The following MYO15A variants were observed in gnomAD, a reference collection of about 807,000 sequenced individuals.
MYO15A encodes the protein myosin XVA, also known as unconventional myosin-XV.
MYO15A carries 308 observed loss-of-function variants against 394.6 expected under a neutral mutation model. The ratio of observed to expected loss-of-function variants is 0.78; its 90% CI spans 0.71 to 0.86. The LOEUF is 0.86. MYO15A is among the 40% of genes least tolerant of loss of function. MYO15A has a pLI of 0.00. For missense variants in MYO15A, 4,606 were observed against 4,799.1 expected (o/e 0.96, Z 1.19); for synonymous variants, 1,957 against 2,003.8 (o/e 0.98, Z 0.62).
rs751879628 is a variant in MYO15A, at chr17:18,159,013, C to T, written c.9156+16C>T. ...CTTCACCAAGGTGTCCAGTCCCGGACCTCAGTTTCCCCATCTGTAAAATGG... is the reference window on the plus strand; with the variant it reads ...CTTCACCAAGGTGTCCAGTCCCGGATCTCAGTTTCCCCATCTGTAAAATGG... On this transcript the variant is annotated intron_variant, in intron 53 of 65. Coordinates refer to ENST00000647165, the MANE Select transcript of MYO15A (RefSeq NM_016239.4). 1.7e-5 allele frequency: 28 copies of T among 1,612,528 alleles called. No homozygotes were observed. The South Asian group carries it at 3.1e-4, about 18-fold the overall frequency.
At chr17:18,163,615 A>T in intron 59 of MYO15A, 127 bp from the exon 60 acceptor site, 1 of 869,986 alleles carries the variant, frequency 1.1e-6, no homozygotes, top group Non-Finnish European at 1.9e-6. Context: ...GAGACCTCAG[A>T]GGATTGTGCG....
Position 18,121,855 on chromosome 17 carries a change from G to T in MYO15A, c.3055G>T (p.Gly1019Trp). 2.5e-6 allele frequency: 4 copies of T among 1,612,764 alleles called. No individual in the cohort carries two copies. The highest frequency in any genetic ancestry group is 3.4e-6 in the Non-Finnish European group (4 of 1,179,862). ...GAAGCCTGAAGAAGAGGCCACCCTG[G>T]GGGACCCCCAGCTGCCAGCAGAGAC... is the stretch of plus-strand genomic sequence containing the variant. ...PEKPEEEATL[G>W]DPQLPAETKP... is the part of the protein sequence containing the mutation. The change falls in exon 2 of 66, where the codon GGG becomes TGG. Residue 1019 changes from glycine to tryptophan, a missense_variant. This residue lies in a region of MYO15A where 1,830 missense variants were observed against 1,689.7 expected (regional missense o/e 1.08). Coordinates refer to ENST00000647165, the MANE Select transcript of MYO15A (RefSeq NM_016239.4). This position sits in a 1 kb window ranked among gnomAD's most constrained non-coding sequence, Gnocchi z 5.3.
chr17:18,133,147 G>C (rs2046198190), intron 11 of MYO15A, 78 bp from the exon 12 acceptor site: 2 of 1,487,450 alleles, frequency 1.3e-6, no homozygotes, highest in Non-Finnish European at 1.8e-6. Flanking sequence ...CCACACTACT[G>C]GTCAGGGCAG....
Position 18,151,413 on chromosome 17 carries a change from T to C in MYO15A, c.7673T>C (p.Leu2558Pro). The change falls in exon 40 of 66, where the codon CTG becomes CCG. Residue 2558 changes from leucine (L) to proline (P), a missense_variant. Physicochemically the swap from Leu to Pro is moderately conservative, Grantham distance 98. This residue lies in a region of MYO15A where 2,776 missense variants were observed against 3,109.3 expected (regional missense o/e 0.89). Transcript: ENST00000647165. ...SPETTSPSPE[L>P]VRYSTLNSEH... ...CCCACAGCTTCACCCTCCCCAGAGC[T>C]GGTCCGGTACTCTACGCTCAACTCT... 6.2e-7 allele frequency: 1 copy of C among 1,614,192 alleles called. No homozygotes were observed. The highest frequency in any genetic ancestry group is 8.5e-7 in the Non-Finnish European group (1 of 1,180,024).
chr17:18,145,689 T>G (rs1027138847), intron 29 of MYO15A, among the ~76,000 whole-genome samples, 183 bp from the exon 30 acceptor site: 1 of 152,186 alleles, frequency 6.6e-6, no homozygotes, highest in African/African-American at 2.4e-5. Flanking sequence ...CACTCCAGTC[T>G]GGGTGACAGA....
chr17:18,141,569 C>T (rs950189728), intron 22 of MYO15A, 84 bp from the exon 23 acceptor site: 4 of 1,338,414 alleles, frequency 3.0e-6, no homozygotes, highest in Admixed American at 1.7e-5. Flanking sequence ...TTTTGGACAC[C>T]TGGCTGGGGG....
Position 18,140,676 on chromosome 17 carries a change from G to T in MYO15A, c.5360+11G>T. 1 of 1,613,948 alleles carries T rather than the reference G, an allele frequency of 6.2e-7. No individual in the cohort carries two copies. The highest frequency in any genetic ancestry group is 8.5e-7 in the Non-Finnish European group (1 of 1,180,036). ...GGAAAAGATGGAGAGGTGGGGTGGG[G>T]GGCAGGTGGGCGGAGCACCCAGCCT... is the stretch of plus-strand genomic sequence containing the variant. On this transcript the variant is annotated intron_variant, in intron 20 of 65. Transcript: ENST00000647165.
rs183365287 is a variant in MYO15A, at chr17:18,129,163, G to A, written c.4033-1642G>A. On this transcript the variant is annotated intron_variant, in intron 7 of 65. Transcript: ENST00000647165. ...TCAGAAATGAAACATTCAGAGCTCCGTCTCACTGGGCAAGTTTTGGTCATA... is the reference window on the plus strand; with the variant it reads ...TCAGAAATGAAACATTCAGAGCTCCATCTCACTGGGCAAGTTTTGGTCATA... 6.8e-4 allele frequency among the ~76,000 whole-genome samples: 104 copies of A among 152,294 alleles called. 1 individual carries two copies. The highest frequency in any genetic ancestry group is 5.8e-4 in the East Asian group (3 of 5,188).
chr17:18,152,246 C>T (rs1360697081), intron 42 of MYO15A, 62 bp downstream of exon 42: 12 of 1,486,006 alleles, frequency 8.1e-6, no homozygotes, highest in African/African-American at 1.4e-5. Context: ...TCTGTGGGCA[C>T]AGGTGAGTGT....
intron 23 of MYO15A, 127 bp from the exon 24 acceptor site, chr17:18,141,952 C>T: frequency 7.7e-7 from 1 of 1,302,400 alleles, no homozygotes; most frequent in Admixed American, 1.7e-5. Context: ...AAGTCCACCC[C>T]ATCCCTCCAG....
At position 18,143,031 on chromosome 17, in the gene MYO15A, G is replaced by T. The variant is rs535194701; in HGVS notation, c.5910+191G>T. Among the ~76,000 whole-genome samples the T allele has an allele frequency of 2.6e-4, 39 of 152,284 alleles. No homozygotes were observed. The East Asian group carries it at 7.1e-3, about 28-fold the overall frequency. On this transcript the variant is annotated intron_variant, in intron 25 of 65. Coordinates refer to ENST00000647165, the MANE Select transcript of MYO15A (RefSeq NM_016239.4). ...TCTACCCCTTGGGATTGTGGAGAGG[G>T]TTAAATGAGATGTTGCATTGAAGGA...
Position 18,132,904 on chromosome 17 carries a change from G to T in MYO15A, c.4321-321G>T, listed in dbSNP as rs773726343. On this transcript the variant is annotated intron_variant, in intron 11 of 65. Transcript: ENST00000647165. This position sits in a 1 kb window ranked among gnomAD's most constrained non-coding sequence, Gnocchi z 4.6. ...TACCACTTTGCAGGGATGTAGTGAGGCTTAGATGAGGAAACGCATGTAAAG... is the reference window on the plus strand; with the variant it reads ...TACCACTTTGCAGGGATGTAGTGAGTCTTAGATGAGGAAACGCATGTAAAG... Among the ~76,000 whole-genome samples the T allele has an allele frequency of 3.3e-5, 5 of 152,204 alleles. No individual in the cohort carries two copies. Among genetic ancestry groups the T allele is most frequent in the Admixed American group, 3.3e-4 (5 of 15,280 alleles).
At position 18,142,776 on chromosome 17, in the gene MYO15A, GGAGGAGTCTGGT is replaced by G; in HGVS notation, c.5849_5860del (p.Arg1950_Val1953del). 1 of 1,613,670 alleles carries G rather than the reference GGAGGAGTCTGGT, an allele frequency of 6.2e-7. No homozygotes were observed. The highest frequency in any genetic ancestry group is 8.5e-7 in the Non-Finnish European group (1 of 1,179,894). ...CCCAGGCAACGCTATCAGCAGATGA[GGAGGAGTCTGGT>G]GAAGTTCCGGTCCCTGGTACACGCA... On this transcript the variant is annotated inframe_deletion, in exon 25 of 66. Coordinates refer to ENST00000647165, the MANE Select transcript of MYO15A (RefSeq NM_016239.4).
rs199511042 is a variant in MYO15A at position 18,127,122 on chromosome 17, G to A, written c.3989G>A (p.Arg1330His). The A allele has an allele frequency of 1.3e-4, 214 of 1,613,798 alleles. No individual in the cohort carries two copies. Among genetic ancestry groups the A allele is most frequent in the Non-Finnish European group, 1.6e-4 (193 of 1,179,998 alleles). ...ACTGAGGCCACCAAGCTGATTCTGC[G>A]CTACCTGGCCGCCATGAACCAGAAA... is the stretch of plus-strand genomic sequence containing the variant. ...GKTEATKLIL[R>H]YLAAMNQKRE... is the part of the protein sequence containing the mutation. Residue 1330 changes from arginine (R) to histidine (H), a missense_variant, in exon 7 of 66, where the codon CGC becomes CAC. Physicochemically the swap from Arg to His is conservative, Grantham distance 29. Coordinates refer to ENST00000647165, the MANE Select transcript of MYO15A (RefSeq NM_016239.4).
chr17:18,116,329 A>G (rs181202982), intron 1 of MYO15A, among the ~76,000 whole-genome samples: 2 of 152,234 alleles, frequency 1.3e-5, no homozygotes, highest in Admixed American at 1.3e-4. Flanking sequence ...GTCCTAAGCC[A>G]CTCTAAACCC....
At position 18,154,130 on chromosome 17, in the gene MYO15A, G is replaced by A. The variant is rs2046634011; in HGVS notation, c.8089-1G>A. The A allele has an allele frequency of 6.2e-7, 1 of 1,613,932 alleles. No homozygotes were observed. The highest frequency in any genetic ancestry group is 2.2e-5 in the East Asian group (1 of 44,894). On this transcript the variant is annotated splice_acceptor_variant, in intron 43 of 65. Transcript: ENST00000647165. LOFTEE classifies it high-confidence loss of function. ...TACCCACTGAAGCCCCGCCCCTGCAGGTGTTTTACCCCAAGGACAGCTACA... is the reference window on the plus strand; with the variant it reads ...TACCCACTGAAGCCCCGCCCCTGCAAGTGTTTTACCCCAAGGACAGCTACA...
At chr17:18,131,124 A>G in intron 8 of MYO15A, 115 bp from the exon 9 acceptor site, 8 of 964,492 alleles carry the variant, frequency 8.3e-6, no homozygotes, top group Non-Finnish European at 1.6e-6. Flanking sequence ...GTCATCTCTC[A>G]TAAAGGGAGG....
At position 18,119,376 on chromosome 17, in the gene MYO15A, C is replaced by A; in HGVS notation, c.576C>A (p.Arg192=). The A allele has an allele frequency of 6.2e-7, 1 of 1,610,184 alleles. No homozygotes were observed. The highest frequency in any genetic ancestry group is 8.5e-7 in the Non-Finnish European group (1 of 1,179,460). Residue 192 remains arginine (R), a synonymous_variant, in exon 2 of 66, where the codon CGC becomes CGA. Coordinates refer to ENST00000647165, the MANE Select transcript of MYO15A (RefSeq NM_016239.4). ...GGGGCCGGCTCCGGAGGTTCCCCCG[C>A]AGCCGCAGCATCTACGCGTCAGGCG... is the stretch of plus-strand genomic sequence containing the variant. ...RPGGRLRRFP[R]SRSIYASGEP...
At position 18,161,465 on chromosome 17, in the gene MYO15A, G is replaced by GGGA; in HGVS notation, c.9517+19_9517+21dup. On this transcript the variant is annotated intron_variant, in intron 57 of 65. Transcript: ENST00000647165. Reference sequence around the variant, plus strand: ...CTTTCAGGGTGAGAGGTCAATGAGTGGGAACCCAGGGCTGCATGCTTCTCC... The same window carrying GGGA: ...CTTTCAGGGTGAGAGGTCAATGAGTGGGAGGAACCCAGGGCTGCATGCTTCTCC... The GGGA allele has an allele frequency of 6.2e-7, 1 of 1,612,576 alleles. No individual in the cohort carries two copies.
Sources: gnomAD v4.1 joint callset for allele counts (sites outside exome capture counted in the v4.1 genomes callset) on GRCh38, gnomAD v4.1.1 for gene constraint, gnomAD v4.1.1 regional missense constraint, Gnocchi (gnomAD v3.1) non-coding constraint, MANE v1.5 for transcripts, NCBI Gene and HGNC (gene_info 2026-07-23, HGNC 2026-07-21) for gene names.